The following KIAA1614 variants were observed in gnomAD, a reference collection of about 807,000 sequenced individuals.
KIAA1614 encodes KIAA1614.
In KIAA1614, 76 loss-of-function variants were observed where a neutral mutation model predicts 88.7. The observed-to-expected ratio is 0.86, with a 90% CI of 0.71 to 1.04. The LOEUF (loss-of-function observed/expected upper bound fraction) is 1.04. Among genes scored for constraint, KIAA1614 ranks in the 50% least tolerant of loss-of-function variants. The pLI, the probability that KIAA1614 is intolerant of heterozygous loss-of-function variation, is 0.00. For synonymous variants in KIAA1614, 714 were observed against 675.5 expected (o/e 1.06, Z -0.88); for missense variants, 1,553 against 1,582.5 (o/e 0.98, Z 0.32).
intron 3 of KIAA1614, among the ~76,000 whole-genome samples, chr1:180,925,011 G>C (rs542360614): frequency 6.6e-6 from 1 of 152,070 alleles, no homozygotes; most frequent in African/African-American, 2.4e-5. Flanking sequence ...TTATTTAGCA[G>C]ATAGGGAAAC....
At chr1:180,914,923 TC>T (rs1653744368) in intron 1 of KIAA1614, among the ~76,000 whole-genome samples, 2 of 152,018 alleles carry the variant, frequency 1.3e-5, no homozygotes, top group Admixed American at 1.3e-4. Context: ...CGCCTCGGCC[TC>T]CCAAAGTGCT....
rs1408756329 is a variant in KIAA1614 at position 180,950,295 on chromosome 1, T to C, written c.*4707T>C. On this transcript the variant is annotated 3_prime_UTR_variant, in exon 9 of 9. Transcript: ENST00000367588. ...GGTCAGCATTCCAGAGATGCACTTC[T>C]TCGATTTGGGTGTCATTGTGAAATT... 5 of 1,131,730 alleles carry C rather than the reference T, an allele frequency of 4.4e-6. No homozygotes were observed. In the South Asian group the frequency reaches 6.8e-5, roughly 15 times the overall value. The allele number at this position is 1,131,730 out of a possible 1,614,324, so 70.1% of individuals were successfully genotyped here.
intron 3 of KIAA1614, among the ~76,000 whole-genome samples, chr1:180,925,764 G>A (rs985603882): frequency 6.6e-6 from 1 of 152,348 alleles, no homozygotes; most frequent in African/African-American, 2.4e-5. Context: ...AGGGGTGGGG[G>A]AAGGGCCAGC....
At chr1:180,933,830 C>T (rs1306739987) in intron 4 of KIAA1614, among the ~76,000 whole-genome samples, 1 of 152,138 alleles carries the variant, frequency 6.6e-6, no homozygotes, top group African/African-American at 2.4e-5. Context: ...AGGGACAGTG[C>T]CTGGAGTGGG....
intron 3 of KIAA1614, among the ~76,000 whole-genome samples, chr1:180,921,149 C>T (rs1356237717): frequency 6.9e-6 from 1 of 144,408 alleles, no homozygotes; most frequent in South Asian, 2.2e-4. Flanking sequence ...GGGGTGGGGC[C>T]GTTTTATAGG....
At chr1:180,913,662 T>C (rs1041610991) in intron 1 of KIAA1614, among the ~76,000 whole-genome samples, 4 of 152,192 alleles carry the variant, frequency 2.6e-5, no homozygotes, top group Non-Finnish European at 5.9e-5. Flanking sequence ...TCTCGCTCTG[T>C]CGCCCAGGCT....
intron 3 of KIAA1614, among the ~76,000 whole-genome samples, chr1:180,924,910 A>AATAATAATAATAATAAG (rs1475244918): frequency 1.4e-4 from 1 of 7,198 alleles, no homozygotes; most frequent in Non-Finnish European, 9.6e-4. Context: ...ATAATAATAA[A>AATAATAATAATAATAAG]TGCTAACATT....
rs757120245 is a variant in KIAA1614 at position 180,935,499 on chromosome 1, G to C, written c.1590G>C (p.Pro530=). ...GGGGACACCCGGCACCGCCGGCACC[G>C]GGCAGCGAGAGGAGGTGCCAGGCCT... The part of the protein sequence containing the change: ...DRRGHPAPPA[P]GSERRCQACG... Residue 530 remains proline, a synonymous_variant, in exon 5 of 9, where the codon CCG becomes CCC. Coordinates refer to ENST00000367588, the MANE Select transcript of KIAA1614 (RefSeq NM_020950.2). This position sits in a 1 kb window ranked among gnomAD's most constrained non-coding sequence, Gnocchi z 6.1. 3.3e-6 allele frequency: 5 copies of C among 1,506,944 alleles called. No individual in the cohort carries two copies. The highest frequency in any genetic ancestry group is 4.4e-6 in the Non-Finnish European group (5 of 1,132,750). 93.3% of individuals were successfully genotyped at this position (1,506,944 alleles called of 1,614,324 possible). A position where few individuals can be genotyped will look rare whatever the true frequency, so the allele number is the denominator to read the frequency against.
intron 4 of KIAA1614, among the ~76,000 whole-genome samples, chr1:180,932,132 C>A (rs1174058777): frequency 1.3e-5 from 2 of 152,090 alleles, no homozygotes; most frequent in African/African-American, 4.8e-5. Flanking sequence ...TTCTCTGGGG[C>A]TCAGAGTCCC....
At chr1:180,940,967 A>T in intron 6 of KIAA1614, 78 bp from the exon 7 acceptor site, 1 of 1,299,170 alleles carries the variant, frequency 7.7e-7, no homozygotes, top group Non-Finnish European at 1.1e-6. Context: ...GCGGCCCTTG[A>T]GATGGCCCCA....
At chr1:180,915,612 A>AT (rs1159026057) in intron 1 of KIAA1614, among the ~76,000 whole-genome samples, 1 of 152,258 alleles carries the variant, frequency 6.6e-6, no homozygotes, top group South Asian at 2.1e-4. Flanking sequence ...AATGACTTGC[A>AT]TTTTTTTAAA....
intron 3 of KIAA1614, among the ~76,000 whole-genome samples, chr1:180,924,761 A>C (rs1654030827): frequency 6.6e-6 from 1 of 152,314 alleles, no homozygotes; most frequent in South Asian, 2.1e-4. Flanking sequence ...CATTTCAAAC[A>C]TGCCTTCCCC....
In KIAA1614 at chr1:180,941,031, C is replaced by A. The variant is rs1468653418; in HGVS notation, c.2919-14C>A. ...GCCCTCCCCCGCCCCCTCACCTCCA[C>A]CCTTGTGTTTCAGAGCATCAGCAGG... On this transcript the variant is annotated splice_polypyrimidine_tract_variant and intron_variant, in intron 6 of 8. Coordinates refer to ENST00000367588, the MANE Select transcript of KIAA1614 (RefSeq NM_020950.2). 6.4e-7 allele frequency: 1 copy of A among 1,566,960 alleles called. No individual in the cohort carries two copies. The highest frequency in any genetic ancestry group is 8.7e-7 in the Non-Finnish European group (1 of 1,152,148).
chr1:180,944,601 C>T (rs1654546909), intron 8 of KIAA1614, 85 bp downstream of exon 8: 28 of 1,462,866 alleles, frequency 1.9e-5, no homozygotes, highest in Non-Finnish European at 2.3e-5. Flanking sequence ...GCCTCAGCAT[C>T]ATGGCTCTGA....
At chr1:180,914,115 G>A (rs1653722679) in intron 1 of KIAA1614, 1 of 151,174 alleles carries the variant, frequency 6.6e-6, no homozygotes, top group Non-Finnish European at 1.5e-5. Context: ...CTAATTTGTA[G>A]TGTATACACA....
At chr1:180,920,933 C>T (rs1391222409) in intron 3 of KIAA1614, among the ~76,000 whole-genome samples, 1 of 152,234 alleles carries the variant, frequency 6.6e-6, no homozygotes, top group Non-Finnish European at 1.5e-5. Flanking sequence ...ATGCCAGCAG[C>T]TGCCATTTTT....
chr1:180,928,278 G>GAGGAA (rs2102264203), intron 3 of KIAA1614, 152 bp from the exon 4 acceptor site: 2 of 931,208 alleles, frequency 2.1e-6, no homozygotes, highest in East Asian at 5.8e-5. Flanking sequence ...CCCCAGGCTG[G>GAGGAA]GTTCCCTGTG....
Position 180,923,856 on chromosome 1 carries a change from G to A in KIAA1614, c.1062-4574G>A, listed in dbSNP as rs76647885. 2.5e-3 allele frequency among the ~76,000 whole-genome samples: 386 copies of A among 151,898 alleles called. 1 individual carries two copies. The highest frequency in any genetic ancestry group is 9.0e-3 in the African/African-American group (374 of 41,398). ...CCAGGGCACGGGTGTAACCAAGAAC[G>A]GAAGAATGCCTGAGCCCCTGCCTGT... On this transcript the variant is annotated intron_variant, in intron 3 of 8. Transcript: ENST00000367588.
intron 5 of KIAA1614, among the ~76,000 whole-genome samples, chr1:180,937,157 C>T (rs939197722): frequency 1.3e-5 from 2 of 152,280 alleles, no homozygotes; most frequent in East Asian, 3.8e-4. Context: ...TTCATTCACT[C>T]ATTCATTCCT....
Sources: gnomAD v4.1 joint callset for allele counts (sites outside exome capture counted in the v4.1 genomes callset) on GRCh38, gnomAD v4.1.1 for gene constraint, Gnocchi (gnomAD v3.1) non-coding constraint, MANE v1.5 for transcripts, NCBI Gene and HGNC (gene_info 2026-07-23, HGNC 2026-07-21) for gene names.